Variants in IFT74 observed in about 807,000 individuals in gnomAD.
IFT74 encodes intraflagellar transport protein 74 homolog.
IFT74 carries 92 observed loss-of-function variants against 96.7 expected under a neutral mutation model. The observed-to-expected ratio is 0.95, with a 90% confidence interval of 0.80 to 1.13. The LOEUF (loss-of-function observed/expected upper bound fraction) is 1.13. Among genes scored for constraint, IFT74 ranks in the 50% most tolerant of loss-of-function variants. The pLI, the probability that IFT74 is intolerant of heterozygous loss-of-function variation, is 0.00. For synonymous variants in IFT74, 223 were observed against 213.2 expected (o/e 1.05, Z -0.40); for missense variants, 811 against 698.2 (o/e 1.16, Z -1.82).
intron 16 of IFT74, among the ~76,000 whole-genome samples, chr9:27,052,239 G>A (rs1369617936): frequency 6.6e-6 from 1 of 152,114 alleles, no homozygotes; most frequent in African/African-American, 2.4e-5. Context: ...GCCAGGGGAG[G>A]TGGCTCACGC....
At chr9:26,965,760 G>T (rs1316780726) in intron 2 of IFT74, among the ~76,000 whole-genome samples, 1 of 152,062 alleles carries the variant, frequency 6.6e-6, no homozygotes, top group Non-Finnish European at 1.5e-5. Context: ...TACCCAATAT[G>T]TAATTTAGCA....
At chr9:26,974,907 C>T (rs1485796996) in intron 2 of IFT74, among the ~76,000 whole-genome samples, 1 of 152,154 alleles carries the variant, frequency 6.6e-6, no homozygotes, top group African/African-American at 2.4e-5. Flanking sequence ...CTTGTGGAAC[C>T]TCTTTTAAGG....
At chr9:26,979,703 CTTTTTT>C (rs951706952) in intron 3 of IFT74, among the ~76,000 whole-genome samples, 19 of 75,488 alleles carry the variant, frequency 2.5e-4, no homozygotes, top group African/African-American at 5.7e-4. Flanking sequence ...GGAACACTTT[CTTTTTT>C]TTTTTTTTTT....
intron 16 of IFT74, among the ~76,000 whole-genome samples, chr9:27,054,511 T>G (rs1799465159): frequency 6.6e-6 from 1 of 152,220 alleles, no homozygotes; most frequent in South Asian, 2.1e-4. Context: ...TGCTATTATA[T>G]CCTCAGCACC....
chr9:27,025,684 C>A (rs930319275), intron 12 of IFT74, among the ~76,000 whole-genome samples: 1 of 152,020 alleles, frequency 6.6e-6, no homozygotes, highest in Non-Finnish European at 1.5e-5. Flanking sequence ...GGAGTCCTAC[C>A]TTTAGACTCC....
At chr9:27,011,135 C>G (rs541522511) in intron 9 of IFT74, among the ~76,000 whole-genome samples, 1 of 152,276 alleles carries the variant, frequency 6.6e-6, no homozygotes, top group South Asian at 2.1e-4. Context: ...CCCCTGTAAT[C>G]CCAGCTACTC....
At chr9:27,061,467 G>C (rs1416739083) in intron 19 of IFT74, among the ~76,000 whole-genome samples, 3 of 151,892 alleles carry the variant, frequency 2.0e-5, no homozygotes, top group Admixed American at 2.0e-4. Context: ...TTTGTTTAGA[G>C]ACAGGGGTCT....
At position 26,975,951 on chromosome 9, in the gene IFT74, T is replaced by G. The variant is rs112068703; in HGVS notation, c.121-2177T>G. On this transcript the variant is annotated intron_variant, in intron 2 of 19. Coordinates refer to ENST00000380062, the MANE Select transcript of IFT74 (RefSeq NM_025103.4). ...ACGGGACCGTGCAGATAGGACCCAC[T>G]CAATCCACACAGCAGTAGTGTTAAC... Among the ~76,000 whole-genome samples, 1,292 of 151,906 alleles carry G rather than the reference T, an allele frequency of 8.5e-3. 22 individuals carry two copies. The highest frequency in any genetic ancestry group is 0.03 in the African/African-American group (1,236 of 41,378).
In IFT74 at chr9:27,048,234, A is replaced by G. The variant is rs1012289052; in HGVS notation, c.1293A>G (p.Glu431=). The G allele has an allele frequency of 6.2e-7, 1 of 1,608,350 alleles. No homozygotes were observed. The highest frequency in any genetic ancestry group is 8.5e-7 in the Non-Finnish European group (1 of 1,176,240). Residue 431 remains glutamate (E), a synonymous_variant, in exon 16 of 20, where the codon GAA becomes GAG. Coordinates refer to ENST00000380062, the MANE Select transcript of IFT74 (RefSeq NM_025103.4). The part of the protein sequence containing the change: ...MQDDLNFKST[E]VQKSQSTAQN... ...ATGACCTCAATTTTAAATCTACTGA[A>G]GTGCAGAAATCACAAAGTACAGCTC...
At chr9:26,963,608 T>C (rs1256958934) in intron 2 of IFT74, among the ~76,000 whole-genome samples, 2 of 151,248 alleles carry the variant, frequency 1.3e-5, no homozygotes, top group African/African-American at 4.9e-5. Context: ...CTCCACATCC[T>C]CTCCAGCACC....
At chr9:27,062,512 C>CT (rs937486722) in intron 19 of IFT74, 106 bp from the exon 20 acceptor site, 3 of 633,076 alleles carry the variant, frequency 4.7e-6, no homozygotes, top group African/African-American at 1.9e-5. Context: ...TCTAATTGTG[C>CT]TTTTTTGTAC....
chr9:27,021,226 C>G (rs950681646), intron 12 of IFT74, among the ~76,000 whole-genome samples: 4 of 152,008 alleles, frequency 2.6e-5, no homozygotes, highest in Non-Finnish European at 4.4e-5. Flanking sequence ...TCTTTATTCA[C>G]TTGTTGATTG....
intron 12 of IFT74, among the ~76,000 whole-genome samples, chr9:27,018,977 T>C (rs1829476223): frequency 6.6e-6 from 1 of 152,172 alleles, no homozygotes; most frequent in South Asian, 2.1e-4. Flanking sequence ...TTTTTATTTA[T>C]TTTTATCTTT....
intron 2 of IFT74, 36 bp from the exon 3 acceptor site, chr9:26,978,092 T>C (rs2131525021): frequency 1.3e-6 from 2 of 1,540,978 alleles, no homozygotes; most frequent in Non-Finnish European, 1.7e-6. Context: ...GTGTTTTTTC[T>C]GGTTTACTAA....
In IFT74 at chr9:26,962,028, A is replaced by C; in HGVS notation, c.61A>C (p.Thr21Pro). The change falls in exon 2 of 20, where the codon ACA becomes CCA. Residue 21 changes from threonine (T) to proline (P), a missense_variant. Transcript: ENST00000380062. ...RPVSRGGVGL[T>P]GRPPSGIRPL... is the part of the protein sequence containing the mutation. ...TGTTTCAAGAGGTGGAGTTGGGTTA[A>C]CAGGAAGGCCTCCTTCTGGGATACG... 1 of 1,614,194 alleles carries C rather than the reference A, an allele frequency of 6.2e-7. No homozygotes were observed. Among genetic ancestry groups the C allele is most frequent in the Non-Finnish European group, 8.5e-7 (1 of 1,180,018 alleles).
chr9:26,970,551 G>T (rs1256071260), intron 2 of IFT74, among the ~76,000 whole-genome samples: 1 of 152,150 alleles, frequency 6.6e-6, no homozygotes, highest in Non-Finnish European at 1.5e-5. Flanking sequence ...CTTTGACCTG[G>T]TGAATGGAAA....
intron 1 of IFT74, among the ~76,000 whole-genome samples, chr9:26,950,336 A>G (rs2131452623): frequency 6.6e-6 from 1 of 152,092 alleles, no homozygotes; most frequent in South Asian, 2.1e-4. Flanking sequence ...AAGAAAGAAA[A>G]GCAAGCTAAT....
chr9:26,961,652 A>C (rs1487254282), intron 1 of IFT74, among the ~76,000 whole-genome samples: 1 of 152,218 alleles, frequency 6.6e-6, no homozygotes, highest in Non-Finnish European at 1.5e-5. Context: ...GATGTTGGCT[A>C]TGATGGGAGA....
chr9:27,015,372 T>G (rs541756319), intron 10 of IFT74, among the ~76,000 whole-genome samples: 26 of 152,272 alleles, frequency 1.7e-4, no homozygotes, highest in African/African-American at 6.0e-4. Context: ...GCACAGTGGC[T>G]CACACCTGTA....
Sources: allele counts gnomAD v4.1 joint callset (sites outside exome capture counted in the v4.1 genomes callset), GRCh38; gene constraint gnomAD v4.1.1; transcripts MANE v1.5; gene names NCBI Gene and HGNC (gene_info 2026-07-23, HGNC 2026-07-21).